The following CPHXL variants were observed in gnomAD, a reference collection of about 807,000 sequenced individuals.
CPHXL encodes cytoplasmic polyadenylated homeobox-like protein.
At chr16:75,721,202 C>A (rs1280531965) in intron 1 of CPHXL, among the ~76,000 whole-genome samples, 1 of 152,130 alleles carries the variant, frequency 6.6e-6, no homozygotes, top group Non-Finnish European at 1.5e-5. Context: ...AACTAAGGGG[C>A]AAAATAACCA....
chr16:75,717,371 T>G (rs1305597308), intron 2 of CPHXL, among the ~76,000 whole-genome samples: 1 of 152,236 alleles, frequency 6.6e-6, no homozygotes, highest in Non-Finnish European at 1.5e-5. Context: ...TATGTGCATG[T>G]GTACAATTTT....
At position 75,714,404 on chromosome 16, in the gene CPHXL, C is replaced by T. The variant is rs1597218313; in HGVS notation, c.1038G>A (p.Gln346=). ...MDSGPWDLGK[Q]WSSAQSQLQS... ...GCAGCTGTGACTGAGCCGAGGACCACTGCTTCCCTAGATCCCAAGGACCCG... is the reference window on the plus strand; with the variant it reads ...GCAGCTGTGACTGAGCCGAGGACCATTGCTTCCCTAGATCCCAAGGACCCG... The change falls in exon 3 of 3, where the codon CAG becomes CAA. Residue 346 remains glutamine (Q), a synonymous_variant. Coordinates refer to ENST00000640559, the MANE Select transcript of CPHXL (RefSeq NM_001355613.1). 2.5e-6 allele frequency: 1 copy of T among 398,540 alleles called. No homozygotes were observed. The highest frequency in any genetic ancestry group is 3.6e-5 in the East Asian group (1 of 28,094). The allele number at this position is 398,540 out of a possible 1,614,324, so 24.7% of individuals were successfully genotyped here. A position where few individuals can be genotyped will look rare whatever the true frequency, so the allele number is the denominator to read the frequency against.
intron 1 of CPHXL, among the ~76,000 whole-genome samples, chr16:75,722,914 G>A (rs1011831058): frequency 8.5e-5 from 13 of 152,098 alleles, no homozygotes; most frequent in East Asian, 5.8e-4. Context: ...GATCAAGTGG[G>A]CTTCATCCCT....
At chr16:75,718,216 C>G in intron 2 of CPHXL, 49 bp downstream of exon 2, 1 of 392,126 alleles carries the variant, frequency 2.6e-6, no homozygotes, top group Non-Finnish European at 4.5e-6. Flanking sequence ...GAGACCTTGT[C>G]TAAAAAAAAA....
In CPHXL at chr16:75,718,446, T is replaced by A; in HGVS notation, c.38A>T (p.Glu13Val). 1 of 398,574 alleles carries A rather than the reference T, an allele frequency of 2.5e-6. No individual in the cohort carries two copies. Among genetic ancestry groups the A allele is most frequent in the East Asian group, 3.6e-5 (1 of 28,056 alleles). 24.7% of individuals were successfully genotyped at this position (398,574 alleles called of 1,614,324 possible). ...LDGTSGGFPAEEDHHNEERQT... is the reference protein window; with the variant it reads ...LDGTSGGFPAVEDHHNEERQT... ...TCTTTCTTCATTATGATGATCCTCTTCAGCTGGGAAACCTGACAAAAGTAT... is the reference window on the plus strand; with the variant it reads ...TCTTTCTTCATTATGATGATCCTCTACAGCTGGGAAACCTGACAAAAGTAT... Residue 13 changes from glutamate to valine, a missense_variant, in exon 2 of 3, where the codon GAA becomes GTA. Physicochemically the swap from Glu to Val is moderately radical, Grantham distance 121. Coordinates refer to ENST00000640559, the MANE Select transcript of CPHXL (RefSeq NM_001355613.1).
chr16:75,716,701 A>G (rs1959397867), intron 2 of CPHXL, among the ~76,000 whole-genome samples: 1 of 152,088 alleles, frequency 6.6e-6, no homozygotes, highest in Non-Finnish European at 1.5e-5. Flanking sequence ...GATCAACTTA[A>G]CCTTCAGCTC....
rs185104777 is a variant in CPHXL at position 75,716,791 on chromosome 16, C to G, written c.219+1474G>C. On this transcript the variant is annotated intron_variant, in intron 2 of 2. Coordinates refer to ENST00000640559, the MANE Select transcript of CPHXL (RefSeq NM_001355613.1). ...TGCCTGGATCTTTCCAGCTTTCATCCTGAAGCTACTAGGGGCTACCCACCC... is the reference window on the plus strand; with the variant it reads ...TGCCTGGATCTTTCCAGCTTTCATCGTGAAGCTACTAGGGGCTACCCACCC... 6.0e-4 allele frequency among the ~76,000 whole-genome samples: 92 copies of G among 152,286 alleles called. No individual in the cohort carries two copies. The East Asian group carries it at 0.015, about 26-fold the overall frequency.
chr16:75,715,479 G>T (rs769707772), intron 2 of CPHXL, among the ~76,000 whole-genome samples: 1 of 152,068 alleles, frequency 6.6e-6, no homozygotes, highest in Non-Finnish European at 1.5e-5. Flanking sequence ...GTTTACATGT[G>T]AACCTTGGCT....
At chr16:75,723,505 C>A (rs1226980417) in intron 1 of CPHXL, among the ~76,000 whole-genome samples, 1 of 152,156 alleles carries the variant, frequency 6.6e-6, no homozygotes, top group African/African-American at 2.4e-5. Flanking sequence ...TTTGCAGTTG[C>A]TTCAAAGAGA....
chr16:75,723,943 A>C (rs1174928180), intron 1 of CPHXL, among the ~76,000 whole-genome samples: 1 of 152,228 alleles, frequency 6.6e-6, no homozygotes, highest in Non-Finnish European at 1.5e-5. Context: ...CCAATGCAAC[A>C]AAAGAGAGCC....
chr16:75,716,473 G>C (rs1234744932), intron 2 of CPHXL, among the ~76,000 whole-genome samples: 2 of 152,188 alleles, frequency 1.3e-5, no homozygotes, highest in Admixed American at 6.5e-5. Flanking sequence ...AGGTTTACCA[G>C]TTGATTAGAA....
Position 75,720,451 on chromosome 16 carries a change from C to T in CPHXL, c.26-1993G>A, listed in dbSNP as rs79925935. ...AAACCACGGCACGAGAACTACATGACGAATGCACAAGCCTCAGTAGCCGAT... is the reference window on the plus strand; with the variant it reads ...AAACCACGGCACGAGAACTACATGATGAATGCACAAGCCTCAGTAGCCGAT... On this transcript the variant is annotated intron_variant, in intron 1 of 2. Coordinates refer to ENST00000640559, the MANE Select transcript of CPHXL (RefSeq NM_001355613.1). 8.9e-4 allele frequency among the ~76,000 whole-genome samples: 135 copies of T among 152,112 alleles called. 1 individual carries two copies. The highest frequency in any genetic ancestry group is 3.0e-3 in the African/African-American group (124 of 41,478).
intron 1 of CPHXL, among the ~76,000 whole-genome samples, chr16:75,721,751 A>G (rs1277719575): frequency 6.6e-6 from 1 of 152,180 alleles, no homozygotes; most frequent in African/African-American, 2.4e-5. Context: ...CACCAAGCGG[A>G]CCTAATAGAC....
At chr16:75,721,583 G>A (rs906785954) in intron 1 of CPHXL, among the ~76,000 whole-genome samples, 1 of 152,072 alleles carries the variant, frequency 6.6e-6, no homozygotes, top group African/African-American at 2.4e-5. Flanking sequence ...CCCAATACAG[G>A]AGCACCCAGA....
intron 1 of CPHXL, among the ~76,000 whole-genome samples, chr16:75,725,919 A>G (rs551530839): frequency 9.2e-5 from 14 of 151,936 alleles, no homozygotes; most frequent in South Asian, 4.2e-4. Context: ...AATTGGATAA[A>G]CACTTAAATG....
chr16:75,724,848 C>T (rs1388644155), intron 1 of CPHXL, among the ~76,000 whole-genome samples: 3 of 152,146 alleles, frequency 2.0e-5, no homozygotes, highest in Admixed American at 6.5e-5. Flanking sequence ...CAGCACTATT[C>T]ACAATAGCAA....
Position 75,715,087 on chromosome 16 carries a change from T to C in CPHXL, c.355A>G (p.Asn119Asp). The change falls in exon 3 of 3, where the codon AAC (asparagine) becomes GAC (aspartate). Residue 119 changes from asparagine to aspartate, a missense_variant. Transcript: ENST00000640559. Reference sequence around the variant, plus strand: ...GAGAGGCTCTGCTTGGTGGCATAGTTGTGAGCTGCAGCCTGGGTCTCCTGG... The same window carrying C: ...GAGAGGCTCTGCTTGGTGGCATAGTCGTGAGCTGCAGCCTGGGTCTCCTGG... ...SCQETQAAAHNYATKQSLSGA... is the reference protein window; with the variant it reads ...SCQETQAAAHDYATKQSLSGA... 2.5e-6 allele frequency: 1 copy of C among 398,860 alleles called. No individual in the cohort carries two copies. Among genetic ancestry groups the C allele is most frequent in the Non-Finnish European group, 4.4e-6 (1 of 226,138 alleles). 24.7% of individuals were successfully genotyped at this position (398,860 alleles called of 1,614,324 possible). A position where few individuals can be genotyped will look rare whatever the true frequency, so the allele number is the denominator to read the frequency against.
At position 75,714,468 on chromosome 16, in the gene CPHXL, A is replaced by G. The variant is rs1411184883; in HGVS notation, c.974T>C (p.Leu325Ser). 5 of 398,420 alleles carry G rather than the reference A, an allele frequency of 1.3e-5. No homozygotes were observed. The highest frequency in any genetic ancestry group is 4.4e-5 in the Admixed American group (1 of 22,704). 24.7% of individuals were successfully genotyped at this position (398,420 alleles called of 1,614,324 possible). The change falls in exon 3 of 3, where the codon TTA becomes TCA. Residue 325 changes from leucine to serine, a missense_variant. By Grantham distance (145) the Leu-to-Ser change is moderately radical. Coordinates refer to ENST00000640559, the MANE Select transcript of CPHXL (RefSeq NM_001355613.1). ...CTGTTCCTGCAACATCATCCCCTCTAAGTAATTCTGAGGCTGTTGGTGCTG... is the reference window on the plus strand; with the variant it reads ...CTGTTCCTGCAACATCATCCCCTCTGAGTAATTCTGAGGCTGTTGGTGCTG... ...LQQHQQPQNY[L>S]EGMMLQEQLP... is the part of the protein sequence containing the mutation.
intron 2 of CPHXL, among the ~76,000 whole-genome samples, chr16:75,715,861 A>AT (rs200136477): frequency 0.063 from 9,539 of 151,482 alleles, 442 homozygotes; most frequent in African/African-American, 0.12. Context: ...TGCCCGGCTA[A>AT]TTTTTTTTGT....
Sources: gnomAD v4.1 joint callset for allele counts (sites outside exome capture counted in the v4.1 genomes callset) on GRCh38, gnomAD v4.1.1 for gene constraint, MANE v1.5 for transcripts, NCBI Gene and HGNC (gene_info 2026-07-23, HGNC 2026-07-21) for gene names.